Variants in FAM193B observed in about 807,000 individuals in gnomAD.
The protein encoded by FAM193B is protein FAM193B.
Under a neutral mutation model 70.7 loss-of-function variants are expected in FAM193B, and 27 were observed. That is an observed-to-expected ratio of 0.38 (90% CI 0.28 to 0.53). The LOEUF is 0.53. Among genes scored for constraint, FAM193B ranks in the 20% least tolerant of loss-of-function variants. The probability of loss-of-function intolerance (pLI) is 0.81; values close to 1 mark genes in which losing one functional copy is unlikely to be tolerated. For missense variants in FAM193B, 1,022 were observed against 1,072.5 expected (o/e 0.95, Z 0.66); for synonymous variants, 448 against 436.0 (o/e 1.03, Z -0.34).
chr5:177,520,633 G>A (rs1225120764), intron 8 of FAM193B, among the ~76,000 whole-genome samples: 1 of 152,264 alleles, frequency 6.6e-6, no homozygotes, highest in Non-Finnish European at 1.5e-5. Flanking sequence ...AGTGGAAGGA[G>A]ACAGTTGCAT....
intron 1 of FAM193B, among the ~76,000 whole-genome samples, chr5:177,542,555 C>CAG (rs1764974038): frequency 6.6e-6 from 1 of 152,192 alleles, no homozygotes; most frequent in Non-Finnish European, 1.5e-5. Flanking sequence ...TTAATCTCTC[C>CAG]CCTCAACCCC....
At chr5:177,522,115 A>G in intron 7 of FAM193B, 44 bp from the exon 8 acceptor site, 7 of 1,513,372 alleles carry the variant, frequency 4.6e-6, no homozygotes, top group Non-Finnish European at 6.4e-6. Flanking sequence ...TCAGAGGTTC[A>G]TTCTTTTGCT....
At chr5:177,531,638 A>C in intron 5 of FAM193B, 1 of 939,566 alleles carries the variant, frequency 1.1e-6, no homozygotes, top group South Asian at 1.7e-5. Context: ...CTCTACCATT[A>C]GCCACCAAGG....
intron 1 of FAM193B, chr5:177,553,112 T>TGGG (rs1437234935): frequency 2.1e-6 from 2 of 940,072 alleles, no homozygotes; most frequent in African/African-American, 3.6e-5. Flanking sequence ...CTGACGCAAC[T>TGGG]GGGGAGGTCA....
chr5:177,554,296 C>A lies in FAM193B; in HGVS notation c.163G>T (p.Asp55Tyr), dbSNP rs1766755162. 12 of 1,383,136 alleles carry A rather than the reference C, an allele frequency of 8.7e-6. No homozygotes were observed. Among genetic ancestry groups the A allele is most frequent in the Non-Finnish European group, 1.1e-5 (12 of 1,061,906 alleles). 85.7% of individuals were successfully genotyped at this position (1,383,136 alleles called of 1,614,324 possible). Reference protein sequence around the residue: ...PPEAPAEPDHDGPREDDEPNL... With the variant: ...PPEAPAEPDHYGPREDDEPNL... ...GGTTCGTCATCCTCCCTGGGGCCGT[C>A]GTGGTCGGGCTCCGCCGGCGCCTCC... The change falls in exon 1 of 9, where the codon GAC becomes TAC. Residue 55 changes from aspartate to tyrosine, a missense_variant. Coordinates refer to ENST00000514747, the MANE Select transcript of FAM193B (RefSeq NM_001190946.3).
Position 177,524,196 on chromosome 5 carries a change from G to C in FAM193B, c.2285C>G (p.Ala762Gly). ...CCTGGTGCACTCACCCAAGGAGGAG[G>C]CTGGCTTCTCCTGCTTGTTGCGGCT... ...RRSRNKQEKP[A>G]SSLDDVFLPK... The change falls in exon 6 of 9, where the codon GCC (alanine) becomes GGC (glycine). Residue 762 changes from alanine to glycine, a missense_variant. By Grantham distance (60) the Ala-to-Gly change is moderately conservative. Transcript: ENST00000514747. The C allele has an allele frequency of 3.8e-6, 6 of 1,560,394 alleles. No homozygotes were observed. The highest frequency in any genetic ancestry group is 2.3e-5 in the East Asian group (1 of 43,942).
At position 177,524,396 on chromosome 5, in the gene FAM193B, C is replaced by A; in HGVS notation, c.2085G>T (p.Gly695=). 1 of 1,572,764 alleles carries A rather than the reference C, an allele frequency of 6.4e-7. No homozygotes were observed. The highest frequency in any genetic ancestry group is 2.3e-5 in the East Asian group (1 of 43,616). ...SCAEAGEGSR[G]SRPGPGWAGS... ...CAGCCCAACCTGGTCCTGGCCGGCT[C>A]CCCCGGCTCCCCTCTCCAGCCTCAG... The change falls in exon 6 of 9, where the codon GGG becomes GGT. Residue 695 remains glycine (G), a synonymous_variant. Transcript: ENST00000514747.
At chr5:177,522,167 C>G (rs1308715851) in intron 7 of FAM193B, 96 bp from the exon 8 acceptor site, 3 of 983,152 alleles carry the variant, frequency 3.1e-6, no homozygotes, top group Non-Finnish European at 4.7e-6. Context: ...ACTAAGAGAC[C>G]AGGTTCTCTA....
intron 1 of FAM193B, among the ~76,000 whole-genome samples, chr5:177,539,642 C>A (rs1041442923): frequency 2.0e-5 from 3 of 152,132 alleles, no homozygotes; most frequent in African/African-American, 7.2e-5. Context: ...CCCTTAGGAT[C>A]GCAGCAACAT....
At chr5:177,549,872 A>G (rs1210879886) in intron 1 of FAM193B, among the ~76,000 whole-genome samples, 2 of 7,936 alleles carry the variant, frequency 2.5e-4, no homozygotes, top group Non-Finnish European at 7.0e-3. Flanking sequence ...CTTACTTATT[A>G]TAATTTTTAA....
intron 1 of FAM193B, among the ~76,000 whole-genome samples, chr5:177,542,125 CGT>C (rs747942358): frequency 6.6e-6 from 1 of 152,158 alleles, no homozygotes; most frequent in Admixed American, 6.5e-5. Context: ...ACGTATGATA[CGT>C]GTGTTTTCTG....
chr5:177,524,209 G>T lies in FAM193B; in HGVS notation c.2272C>A (p.Gln758Lys). ...CCCAAGGAGGAGGCTGGCTTCTCCT[G>T]CTTGTTGCGGCTCCGGCGGCTGCGG... is the stretch of plus-strand genomic sequence containing the variant. ...KGRSRRSRNK[Q>K]EKPASSLDDV... The change falls in exon 6 of 9, where the codon CAG becomes AAG. Residue 758 changes from glutamine (Q) to lysine (K), a missense_variant. Transcript: ENST00000514747. 2 of 1,552,936 alleles carry T rather than the reference G, an allele frequency of 1.3e-6. No individual in the cohort carries two copies. The highest frequency in any genetic ancestry group is 1.2e-5 in the South Asian group (1 of 81,962).
Position 177,550,234 on chromosome 5 carries a change from C to T in FAM193B, c.210+4015G>A, listed in dbSNP as rs747894369. 1.9e-4 allele frequency among the ~76,000 whole-genome samples: 29 copies of T among 152,264 alleles called. 1 individual carries two copies. Among genetic ancestry groups the T allele is most frequent in the East Asian group, 1.2e-3 (6 of 5,188 alleles). On this transcript the variant is annotated intron_variant, in intron 1 of 8. Transcript: ENST00000514747. ...GACATTTTTATATAGTGAGTCTCTA[C>T]TGGCTTACAAAGAAGAACCAGAGGT...
intron 3 of FAM193B, among the ~76,000 whole-genome samples, chr5:177,537,382 A>G (rs1443353878): frequency 3.3e-5 from 5 of 152,244 alleles, no homozygotes; most frequent in Admixed American, 2.6e-4. Flanking sequence ...GAGTTATTTC[A>G]GGGTCAAAGA....
intron 4 of FAM193B, among the ~76,000 whole-genome samples, chr5:177,535,695 T>G (rs1452319831): frequency 6.6e-6 from 1 of 152,218 alleles, no homozygotes; most frequent in Admixed American, 6.5e-5. Context: ...GAAAAGTTTC[T>G]TGAAGAATTT....
chr5:177,528,120 G>C (rs1762897069), intron 5 of FAM193B, among the ~76,000 whole-genome samples: 1 of 152,204 alleles, frequency 6.6e-6, no homozygotes, highest in South Asian at 2.1e-4. Flanking sequence ...GGAGAACATG[G>C]CACTCCCCTT....
At chr5:177,554,112 C>A in intron 1 of FAM193B, 137 bp downstream of exon 1, 1 of 1,399,900 alleles carries the variant, frequency 7.1e-7, no homozygotes, top group Non-Finnish European at 9.3e-7. Flanking sequence ...GGGGAGAAAG[C>A]TTCGGCGCCG....
intron 1 of FAM193B, among the ~76,000 whole-genome samples, chr5:177,544,430 C>A (rs1765184566): frequency 1.3e-5 from 2 of 152,112 alleles, no homozygotes; most frequent in African/African-American, 2.4e-5. Context: ...CATTTTTTAA[C>A]TGAAAGAATG....
chr5:177,528,500 GCT>G (rs1460057851), intron 5 of FAM193B, among the ~76,000 whole-genome samples: 13 of 152,184 alleles, frequency 8.5e-5, no homozygotes, highest in Non-Finnish European at 2.9e-5. Flanking sequence ...GAGAGGCTAA[GCT>G]AGACCAGGAG....
Sources: gnomAD v4.1 joint callset for allele counts (sites outside exome capture counted in the v4.1 genomes callset) on GRCh38, gnomAD v4.1.1 for gene constraint, MANE v1.5 for transcripts, NCBI Gene and HGNC (gene_info 2026-07-23, HGNC 2026-07-21) for gene names.